The following SMYD3 variants were observed in gnomAD, a reference collection of about 807,000 sequenced individuals.
The protein encoded by SMYD3 is SET and MYND domain containing 3, also known as histone-lysine N-methyltransferase SMYD3.
Under a neutral mutation model 57.7 loss-of-function variants are expected in SMYD3, and 36 were observed. The ratio of observed to expected loss-of-function variants is 0.62; its 90% CI spans 0.48 to 0.82. The LOEUF (loss-of-function observed/expected upper bound fraction) is 0.82, where lower values mean the gene tolerates loss of function less well. Among genes scored for constraint, SMYD3 ranks in the 40% least tolerant of loss-of-function variants. SMYD3 has a pLI of 0.00. For synonymous variants in SMYD3, 211 were observed against 195.0 expected (o/e 1.08, Z -0.68); for missense variants, 515 against 538.8 (o/e 0.96, Z 0.44).
intron 8 of SMYD3, among the ~76,000 whole-genome samples, chr1:245,906,783 C>T (rs2054592058): frequency 6.6e-6 from 1 of 152,100 alleles, no homozygotes; most frequent in Non-Finnish European, 1.5e-5. Context: ...AAATGTGGTA[C>T]ATATACACAA....
At chr1:246,504,492 T>G (rs1232705974) in intron 1 of SMYD3, among the ~76,000 whole-genome samples, 1 of 152,196 alleles carries the variant, frequency 6.6e-6, no homozygotes, top group Non-Finnish European at 1.5e-5. Context: ...AAAGTACAGT[T>G]AAAAAATGAT....
intron 5 of SMYD3, among the ~76,000 whole-genome samples, chr1:246,089,942 T>A (rs1296016689): frequency 1.3e-5 from 2 of 151,518 alleles, no homozygotes; most frequent in South Asian, 4.2e-4. Context: ...GGGGGAAATG[T>A]GGGTATGGAG....
At chr1:246,117,138 A>G (rs2061353388) in intron 5 of SMYD3, among the ~76,000 whole-genome samples, 1 of 152,266 alleles carries the variant, frequency 6.6e-6, no homozygotes, top group African/African-American at 2.4e-5. Context: ...CTTGCTTGTC[A>G]GATCTTAGAA....
At chr1:245,753,774 A>G (rs1349517632) in intron 11 of SMYD3, among the ~76,000 whole-genome samples, 3 of 152,256 alleles carry the variant, frequency 2.0e-5, no homozygotes, top group Non-Finnish European at 4.4e-5. Flanking sequence ...AAACGAGAGC[A>G]ATTGTTTCAA....
At chr1:246,384,883 T>C (rs574920094) in intron 1 of SMYD3, among the ~76,000 whole-genome samples, 2 of 152,342 alleles carry the variant, frequency 1.3e-5, no homozygotes, top group African/African-American at 4.8e-5. Context: ...TTGTAGTAGC[T>C]GAATTGAGCT....
Position 245,781,496 on chromosome 1 carries a change from C to A in SMYD3, c.1077-17347G>T, listed in dbSNP as rs560761660. Among the ~76,000 whole-genome samples, 5 of 152,286 alleles carry A rather than the reference C, an allele frequency of 3.3e-5. No individual in the cohort carries two copies. The East Asian group carries it at 7.7e-4, about 23-fold the overall frequency. ...AAAAATGCCACCTTCTTCCAAGAGT[C>A]AAAGAATGATCACACATTGAGGGCA... On this transcript the variant is annotated intron_variant, in intron 10 of 11. Coordinates refer to ENST00000490107, the MANE Select transcript of SMYD3 (RefSeq NM_001167740.2).
chr1:245,915,631 AGAT>A lies in SMYD3; in HGVS notation c.709_711del (p.Ile237del). 1.2e-6 allele frequency: 2 copies of A among 1,612,686 alleles called. No homozygotes were observed. Among genetic ancestry groups the A allele is most frequent in the Non-Finnish European group, 1.7e-6 (2 of 1,178,732 alleles). On this transcript the variant is annotated inframe_deletion, in exon 8 of 12. Coordinates refer to ENST00000490107, the MANE Select transcript of SMYD3 (RefSeq NM_001167740.2). ...CTGGTCATCAGCATATCCAGGTAGC[AGAT>A]GGTGAGCTGTGCAGGCCAGAGAGAG...
intron 5 of SMYD3, among the ~76,000 whole-genome samples, chr1:246,145,157 C>T (rs2061823646): frequency 6.6e-6 from 1 of 152,164 alleles, no homozygotes. Flanking sequence ...TCCTGAGTTA[C>T]TGAGACTACA....
At chr1:246,387,740 T>C (rs1339967) in intron 1 of SMYD3, among the ~76,000 whole-genome samples, 150,858 of 151,960 alleles carry the variant, frequency 0.99, 74,895 homozygotes, top group East Asian at 1. Context: ...GTCAGTAATT[T>C]GTTACTATAT....
At chr1:246,343,248 C>A (rs1215681783) in intron 2 of SMYD3, among the ~76,000 whole-genome samples, 2 of 152,232 alleles carry the variant, frequency 1.3e-5, no homozygotes, top group East Asian at 3.8e-4. Flanking sequence ...GACTTCCAAT[C>A]TTATTTGGAA....
intron 5 of SMYD3, among the ~76,000 whole-genome samples, chr1:246,160,642 C>G (rs1017624449): frequency 6.6e-6 from 1 of 152,156 alleles, no homozygotes; most frequent in East Asian, 1.9e-4. Context: ...GTGAGAAAGG[C>G]AGGGAGCTAT....
intron 1 of SMYD3, among the ~76,000 whole-genome samples, chr1:246,457,235 C>G (rs1041038221): frequency 3.9e-5 from 6 of 151,972 alleles, no homozygotes; most frequent in Admixed American, 2.0e-4. Context: ...AAAATAAAAA[C>G]ATAAAATAAA....
At chr1:246,150,162 CAG>C (rs1422852791) in intron 5 of SMYD3, among the ~76,000 whole-genome samples, 1 of 152,198 alleles carries the variant, frequency 6.6e-6, no homozygotes, top group Admixed American at 6.5e-5. Context: ...AAGAAAATAA[CAG>C]AATCTTCTTT....
At chr1:245,779,261 C>A (rs1211403105) in intron 10 of SMYD3, among the ~76,000 whole-genome samples, 3 of 151,166 alleles carry the variant, frequency 2.0e-5, no homozygotes, top group African/African-American at 7.3e-5. Context: ...AGGCTTGTAT[C>A]CAAAATATAT....
intron 5 of SMYD3, among the ~76,000 whole-genome samples, chr1:246,215,786 G>A (rs745523732): frequency 1.3e-5 from 2 of 152,078 alleles, no homozygotes; most frequent in Non-Finnish European, 2.9e-5. Flanking sequence ...GCCCTGGGGT[G>A]TAATCCTGCC....
At chr1:246,273,135 C>T (rs200303925) in intron 5 of SMYD3, among the ~76,000 whole-genome samples, 3,152 of 107,508 alleles carry the variant, frequency 0.029, 152 homozygotes, top group African/African-American at 0.1. Flanking sequence ...TCCCTGTTTT[C>T]TTTTTTTTTT....
intron 5 of SMYD3, among the ~76,000 whole-genome samples, chr1:245,952,236 AT>A (rs1465547294): frequency 6.6e-6 from 1 of 152,156 alleles, no homozygotes; most frequent in Non-Finnish European, 1.5e-5. Flanking sequence ...TAACCAAAGC[AT>A]TATCAATAAA....
intron 5 of SMYD3, among the ~76,000 whole-genome samples, chr1:246,237,583 T>A (rs72774485): frequency 9.2e-5 from 14 of 151,878 alleles, no homozygotes; most frequent in African/African-American, 3.4e-4. Flanking sequence ...TTCTGGGCTT[T>A]AAACAAACTC....
intron 5 of SMYD3, among the ~76,000 whole-genome samples, chr1:246,169,087 C>G (rs1049863675): frequency 6.6e-6 from 1 of 152,172 alleles, no homozygotes; most frequent in East Asian, 1.9e-4. Flanking sequence ...CCTTAGAGAG[C>G]CTGGCTTTTC....
Sources: allele counts gnomAD v4.1 joint callset (sites outside exome capture counted in the v4.1 genomes callset), GRCh38; gene constraint gnomAD v4.1.1; transcripts MANE v1.5; gene names NCBI Gene and HGNC (gene_info 2026-07-23, HGNC 2026-07-21).